The following ASAP3 variants were observed in gnomAD, a reference collection of about 807,000 sequenced individuals.
The protein encoded by ASAP3 is ArfGAP with SH3 domain, ankyrin repeat and PH domain 3.
ASAP3 carries 85 observed loss-of-function variants against 118.2 expected under a neutral mutation model. The ratio of observed to expected loss-of-function variants is 0.72; its 90% CI spans 0.60 to 0.86. The LOEUF (loss-of-function observed/expected upper bound fraction) is 0.86, where lower values mean the gene tolerates loss of function less well. ASAP3 is among the 40% of genes least tolerant of loss of function. The pLI, the probability that ASAP3 is intolerant of heterozygous loss-of-function variation, is 0.00. For missense variants in ASAP3, 1,026 were observed against 1,175.0 expected (o/e 0.87, Z 1.85); for synonymous variants, 432 against 477.4 (o/e 0.90, Z 1.24).
At chr1:23,435,624 C>CA (rs1415801717) in intron 17 of ASAP3, 1 of 594,878 alleles carries the variant, frequency 1.7e-6, no homozygotes, top group African/African-American at 1.9e-5. Context: ...AAATGAGACT[C>CA]AGAGAAGTAA....
chr1:23,437,616 T>A lies in ASAP3; in HGVS notation c.1103-144A>T. The A allele has an allele frequency of 1.9e-6, 2 of 1,029,318 alleles. No individual in the cohort carries two copies. The highest frequency in any genetic ancestry group is 2.8e-6 in the Non-Finnish European group (2 of 710,566). 63.8% of individuals were successfully genotyped at this position (1,029,318 alleles called of 1,614,324 possible). ...TCTCAAGCTAGGAGTGGGAAGGGAG[T>A]GGAATGACAGTGGCCAGCACCAGGG... On this transcript the variant is annotated intron_variant, in intron 12 of 24. Coordinates refer to ENST00000336689, the MANE Select transcript of ASAP3 (RefSeq NM_017707.4). This position sits in a 1 kb window ranked among gnomAD's most constrained non-coding sequence, Gnocchi z 6.1.
chr1:23,457,953 G>C (rs369117101), intron 1 of ASAP3, among the ~76,000 whole-genome samples: 1 of 152,242 alleles, frequency 6.6e-6, no homozygotes, highest in African/African-American at 2.4e-5. Context: ...TAGGCATGGA[G>C]TATGTTCAAA....
intron 1 of ASAP3, among the ~76,000 whole-genome samples, chr1:23,478,593 T>A (rs2148665023): frequency 6.6e-6 from 1 of 151,422 alleles, no homozygotes; most frequent in South Asian, 2.1e-4. Flanking sequence ...ACCCTGTCTC[T>A]ACTAGAAATA....
In ASAP3 at chr1:23,455,892, A is replaced by G. The variant is rs750338035; in HGVS notation, c.337T>C (p.Phe113Leu). The G allele has an allele frequency of 2.0e-5, 32 of 1,614,032 alleles. No individual in the cohort carries two copies. Among genetic ancestry groups the G allele is most frequent in the Non-Finnish European group, 2.7e-5 (32 of 1,180,026 alleles). Reference sequence around the variant, plus strand: ...GACAGGGGCCTCACCAGGTTCTTGAAGAGCGCAGCAACCTCGCGGGTGAAC... The same window carrying G: ...GACAGGGGCCTCACCAGGTTCTTGAGGAGCGCAGCAACCTCGCGGGTGAAC... ...AVFTREVAAL[F>L]KNLIQNLNNI... Residue 113 changes from phenylalanine (F) to leucine (L), a missense_variant, in exon 3 of 25, where the codon TTC becomes CTC. Phe to Leu is a conservative substitution (Grantham distance 22). Transcript: ENST00000336689.
At chr1:23,449,441 T>C (rs1012815903) in intron 5 of ASAP3, among the ~76,000 whole-genome samples, 1 of 152,206 alleles carries the variant, frequency 6.6e-6, no homozygotes, top group Non-Finnish European at 1.5e-5. Flanking sequence ...CCTCCTCCTA[T>C]ATGAACAGCC....
chr1:23,453,079 C>T (rs1641274644), intron 3 of ASAP3, among the ~76,000 whole-genome samples: 1 of 152,100 alleles, frequency 6.6e-6, no homozygotes, highest in South Asian at 2.1e-4. Context: ...GAGTGAGCCC[C>T]TTCCCTGATG....
intron 1 of ASAP3, among the ~76,000 whole-genome samples, chr1:23,470,674 C>T (rs776939479): frequency 5.3e-5 from 8 of 152,166 alleles, no homozygotes; most frequent in Non-Finnish European, 1.0e-4. Flanking sequence ...TTCCTTCCTG[C>T]ACTGCTGGGG....
intron 1 of ASAP3, among the ~76,000 whole-genome samples, chr1:23,470,180 A>C (rs763729194): frequency 3.2e-4 from 49 of 152,094 alleles, no homozygotes; most frequent in Non-Finnish European, 5.4e-4. Flanking sequence ...TCCAATTTTG[A>C]GCTAACAGAC....
At position 23,436,729 on chromosome 1, in the gene ASAP3, C is replaced by T. The variant is rs1439424978; in HGVS notation, c.1477-75G>A. On this transcript the variant is annotated intron_variant, in intron 15 of 24. Transcript: ENST00000336689. This position sits in a 1 kb window ranked among gnomAD's most constrained non-coding sequence, Gnocchi z 4.2. ...AGCCTGCATAGGGTGGAGCTCCAAG[C>T]CCCCAGAGTCCCGCCCCTCGGCCGC... The T allele has an allele frequency of 1.9e-6, 3 of 1,582,372 alleles. No homozygotes were observed. In the East Asian group the frequency reaches 6.7e-5, roughly 35 times the overall value.
intron 20 of ASAP3, 42 bp downstream of exon 20, chr1:23,433,584 G>C: frequency 6.2e-7 from 1 of 1,613,622 alleles, no homozygotes; most frequent in Non-Finnish European, 8.5e-7. Context: ...TCAGCAGGGA[G>C]AGAGAAAGAG....
chr1:23,433,115 C>T lies in ASAP3; in HGVS notation c.2285G>A (p.Arg762Gln), dbSNP rs774299439. ...TCTTGCACACCCTTGGACCAAAGTC[C>T]GAGAAGAGTTTTTGACTGGCAAGGG... ...PPPLPVKNSS[R>Q]TLVQGCARHA... is the part of the protein sequence containing the mutation. Residue 762 changes from arginine (R) to glutamine (Q), a missense_variant, in exon 22 of 25, where the codon CGG becomes CAG. Physicochemically the swap from Arg to Gln is conservative, Grantham distance 43. Transcript: ENST00000336689. The T allele has an allele frequency of 3.2e-5, 51 of 1,613,936 alleles. No individual in the cohort carries two copies. Among genetic ancestry groups the T allele is most frequent in the Non-Finnish European group, 4.0e-5 (47 of 1,179,996 alleles).
At chr1:23,450,940 T>C (rs1385766130) in intron 5 of ASAP3, among the ~76,000 whole-genome samples, 2 of 152,150 alleles carry the variant, frequency 1.3e-5, no homozygotes, top group Admixed American at 6.5e-5. Context: ...TCCCAGTAGC[T>C]GGTGAGAGAT....
intron 1 of ASAP3, among the ~76,000 whole-genome samples, chr1:23,457,503 T>C (rs894007358): frequency 6.6e-6 from 1 of 152,168 alleles, no homozygotes; most frequent in African/African-American, 2.4e-5. Context: ...TCGGGGGCTA[T>C]GTGACCTTGA....
chr1:23,484,497 G>A, upstream of ASAP3: 1 of 111,642 alleles, frequency 9.0e-6, no homozygotes, highest in Non-Finnish European at 1.7e-5. Context: ...AAACTCCTCC[G>A]CCTTCCCCCA....
intron 24 of ASAP3, 112 bp from the exon 25 acceptor site, chr1:23,430,042 T>C (rs1640369751): frequency 1.1e-6 from 1 of 931,794 alleles, no homozygotes; most frequent in Admixed American, 2.7e-5. Flanking sequence ...TTATTCTCAT[T>C]TTACAGACAA....
intron 10 of ASAP3, 43 bp from the exon 11 acceptor site, chr1:23,439,273 A>G (rs1405830314): frequency 6.3e-7 from 1 of 1,596,000 alleles, no homozygotes; most frequent in Admixed American, 1.7e-5. Flanking sequence ...CAAGGCTCAC[A>G]CCTAGTTCGC....
intron 1 of ASAP3, among the ~76,000 whole-genome samples, chr1:23,468,144 A>T (rs1367529864): frequency 1.3e-5 from 2 of 152,056 alleles, no homozygotes; most frequent in Non-Finnish European, 2.9e-5. Context: ...GCCTGAGCTC[A>T]CACAGCCAAA....
At chr1:23,474,600 T>C (rs1269391403) in intron 1 of ASAP3, among the ~76,000 whole-genome samples, 1 of 152,086 alleles carries the variant, frequency 6.6e-6, no homozygotes, top group Non-Finnish European at 1.5e-5. Flanking sequence ...TTTTATTTTT[T>C]TGAGACATAG....
intron 5 of ASAP3, among the ~76,000 whole-genome samples, chr1:23,448,768 C>T (rs1570361596): frequency 6.6e-6 from 1 of 152,128 alleles, no homozygotes; most frequent in Non-Finnish European, 1.5e-5. Context: ...ATTTTTAGGC[C>T]CAGGCACTCT....
Sources: allele counts gnomAD v4.1 joint callset (sites outside exome capture counted in the v4.1 genomes callset), GRCh38; gene constraint gnomAD v4.1.1; non-coding constraint Gnocchi (gnomAD v3.1); transcripts MANE v1.5; gene names NCBI Gene and HGNC (gene_info 2026-07-23, HGNC 2026-07-21).